Variants in PPM1H observed in about 807,000 individuals in gnomAD.
The protein encoded by PPM1H is protein phosphatase 1H.
In PPM1H, 27 loss-of-function variants were observed where a neutral mutation model predicts 54.9. The ratio of observed to expected loss-of-function variants is 0.49; its 90% confidence interval spans 0.36 to 0.68. The LOEUF (loss-of-function observed/expected upper bound fraction) is 0.68, where lower values mean the gene tolerates loss of function less well. Among genes scored for constraint, PPM1H ranks in the 30% least tolerant of loss-of-function variants. The probability of loss-of-function intolerance (pLI) is 0.00; values close to 1 mark genes in which losing one functional copy is unlikely to be tolerated. For missense variants in PPM1H, 596 were observed against 667.8 expected (o/e 0.89, Z 1.19); for synonymous variants, 305 against 270.8 (o/e 1.13, Z -1.24).
At chr12:62,913,193 C>A (rs1407917041) in intron 1 of PPM1H, among the ~76,000 whole-genome samples, 1 of 151,920 alleles carries the variant, frequency 6.6e-6, no homozygotes, top group Non-Finnish European at 1.5e-5. Context: ...TGGGGAACAT[C>A]AGTATTTAAG....
intron 4 of PPM1H, among the ~76,000 whole-genome samples, chr12:62,752,358 GA>G (rs545321707): frequency 2.6e-5 from 4 of 151,716 alleles, no homozygotes; most frequent in South Asian, 2.1e-4. Context: ...CTGTATGAAA[GA>G]AAAAAAAATT....
At chr12:62,880,655 T>A (rs11174708) in intron 1 of PPM1H, among the ~76,000 whole-genome samples, 4 of 152,100 alleles carry the variant, frequency 2.6e-5, no homozygotes, top group African/African-American at 4.8e-5. Context: ...CTCCCCAGGC[T>A]GGGAAGAGAA....
intron 3 of PPM1H, among the ~76,000 whole-genome samples, chr12:62,800,203 T>G (rs2076758522): frequency 2.0e-5 from 3 of 152,214 alleles, no homozygotes; most frequent in African/African-American, 7.2e-5. Flanking sequence ...CTTTCCTTCT[T>G]AGCACACTAC....
intron 1 of PPM1H, among the ~76,000 whole-genome samples, chr12:62,866,676 A>G (rs1346762866): frequency 1.3e-5 from 2 of 152,148 alleles, no homozygotes; most frequent in East Asian, 3.9e-4. Flanking sequence ...TAATATCAGG[A>G]TGGGAACCTC....
chr12:62,918,239 C>T (rs1291467634), intron 1 of PPM1H, among the ~76,000 whole-genome samples: 1 of 152,038 alleles, frequency 6.6e-6, no homozygotes, highest in Non-Finnish European at 1.5e-5. Flanking sequence ...GATCATGGTG[C>T]CACCCCAGCA....
At chr12:62,673,715 C>CTTGTTTTTTTTTTTTTTTTTTT (rs2075969527) in intron 8 of PPM1H, among the ~76,000 whole-genome samples, 1 of 41,960 alleles carries the variant, frequency 2.4e-5, no homozygotes, top group Non-Finnish European at 4.8e-5. Flanking sequence ...AAGAGCCACT[C>CTTGTTTTTTTTTTTTTTTTTTT]TTTTTTTTTT....
intron 2 of PPM1H, among the ~76,000 whole-genome samples, chr12:62,831,077 T>C (rs981401069): frequency 6.6e-6 from 1 of 152,072 alleles, no homozygotes; most frequent in Non-Finnish European, 1.5e-5. Context: ...ATGGTCTGGA[T>C]CTCCTGACCT....
chr12:62,756,465 T>C (rs2076476453), intron 4 of PPM1H, among the ~76,000 whole-genome samples: 1 of 152,076 alleles, frequency 6.6e-6, no homozygotes, highest in Non-Finnish European at 1.5e-5. Flanking sequence ...AAGTAACATA[T>C]ACTGCATATG....
chr12:62,860,486 G>C (rs991857603), intron 1 of PPM1H, among the ~76,000 whole-genome samples: 1 of 152,068 alleles, frequency 6.6e-6, no homozygotes, highest in Admixed American at 6.5e-5. Flanking sequence ...CAGGCACAAA[G>C]CTCTATGTCA....
intron 6 of PPM1H, among the ~76,000 whole-genome samples, chr12:62,699,082 G>T (rs117658159): frequency 6.6e-6 from 1 of 152,168 alleles, no homozygotes; most frequent in South Asian, 2.1e-4. Flanking sequence ...ACCACACAAG[G>T]GGGGTGGCAA....
chr12:62,851,521 G>A (rs1869186545), intron 1 of PPM1H, among the ~76,000 whole-genome samples: 1 of 152,064 alleles, frequency 6.6e-6, no homozygotes, highest in East Asian at 1.9e-4. Flanking sequence ...TGGCCAACAT[G>A]GTGAAATCCT....
chr12:62,896,623 G>A (rs1348624838), intron 1 of PPM1H, among the ~76,000 whole-genome samples: 3 of 152,200 alleles, frequency 2.0e-5, no homozygotes, highest in African/African-American at 7.2e-5. Flanking sequence ...AGGATGTGGA[G>A]AAATAGGAAC....
intron 5 of PPM1H, among the ~76,000 whole-genome samples, chr12:62,733,750 G>C (rs1056497652): frequency 1.3e-5 from 2 of 152,156 alleles, no homozygotes; most frequent in Non-Finnish European, 2.9e-5. Flanking sequence ...TGATTTAGGA[G>C]TAAGGATTAA....
intron 2 of PPM1H, 117 bp downstream of exon 2, chr12:62,831,997 G>C (rs1282044818): frequency 3.2e-6 from 4 of 1,259,074 alleles, no homozygotes; most frequent in Non-Finnish European, 4.4e-6. Context: ...ACTAACTCTG[G>C]GGACACTGCT....
At chr12:62,675,739 C>T (rs1035679369) in intron 8 of PPM1H, among the ~76,000 whole-genome samples, 6 of 152,216 alleles carry the variant, frequency 3.9e-5, no homozygotes, top group Non-Finnish European at 8.8e-5. Flanking sequence ...ATGACTGCTA[C>T]TTCTGGCCAT....
chr12:62,693,215 T>A (rs1033052234), intron 7 of PPM1H, among the ~76,000 whole-genome samples: 4 of 152,204 alleles, frequency 2.6e-5, no homozygotes, highest in African/African-American at 9.7e-5. Context: ...GATTTCAACC[T>A]CCTCCAGGCC....
chr12:62,698,600 G>A (rs747704402), intron 6 of PPM1H, among the ~76,000 whole-genome samples: 55 of 151,966 alleles, frequency 3.6e-4, no homozygotes, highest in Middle Eastern at 6.8e-3. Context: ...AATGGTACCC[G>A]GAACTGAAAA....
chr12:62,741,719 G>A (rs528028241), intron 4 of PPM1H, among the ~76,000 whole-genome samples: 56 of 152,086 alleles, frequency 3.7e-4, no homozygotes, highest in African/African-American at 1.3e-3. Context: ...GAACTACCCC[G>A]CGGATATTTT....
chr12:62,705,489 C>A (rs2076168134), intron 6 of PPM1H, among the ~76,000 whole-genome samples: 2 of 152,014 alleles, frequency 1.3e-5, no homozygotes, highest in South Asian at 2.1e-4. Flanking sequence ...AGTTCAGCAG[C>A]AGAAAAGGAT....
Sources: gnomAD v4.1 joint callset for allele counts (sites outside exome capture counted in the v4.1 genomes callset) on GRCh38, gnomAD v4.1.1 for gene constraint, MANE v1.5 for transcripts, NCBI Gene and HGNC (gene_info 2026-07-23, HGNC 2026-07-21) for gene names.